Variants in VPS41 observed in about 807,000 individuals in gnomAD.
The protein encoded by VPS41 is VPS41 subunit of HOPS complex.
A neutral mutation model predicts 130.9 loss-of-function variants in VPS41; 85 were observed. That is an observed-to-expected ratio of 0.65 (90% CI 0.55 to 0.78). The LOEUF is 0.78. VPS41 is among the 30% of genes least tolerant of loss of function. The probability of loss-of-function intolerance (pLI) is 0.00; values close to 1 mark genes in which losing one functional copy is unlikely to be tolerated. For synonymous variants in VPS41, 335 were observed against 332.9 expected (o/e 1.01, Z -0.07); for missense variants, 874 against 1,018.7 (o/e 0.86, Z 1.93).
chr7:38,776,604 A>G, intron 11 of VPS41, 75 bp downstream of exon 11: 1 of 809,944 alleles, frequency 1.2e-6, no homozygotes, highest in South Asian at 1.5e-5. Flanking sequence ...TATGCTACTG[A>G]TGAACAACCT....
intron 7 of VPS41, among the ~76,000 whole-genome samples, chr7:38,800,759 C>T (rs1457124482): frequency 1.3e-5 from 2 of 152,144 alleles, no homozygotes; most frequent in Non-Finnish European, 1.5e-5. Context: ...TCGCTTGAAC[C>T]TAGGAGGAGG....
At chr7:38,844,763 A>G (rs1240198402) in intron 4 of VPS41, among the ~76,000 whole-genome samples, 1 of 152,134 alleles carries the variant, frequency 6.6e-6, no homozygotes, top group Non-Finnish European at 1.5e-5. Flanking sequence ...CATCTCCCCC[A>G]TAAGAGCATT....
intron 1 of VPS41, among the ~76,000 whole-genome samples, chr7:38,904,374 A>C (rs1787209898): frequency 6.6e-6 from 1 of 152,220 alleles, no homozygotes; most frequent in African/African-American, 2.4e-5. Flanking sequence ...ACTACATTTT[A>C]GTTACATGAT....
chr7:38,839,787 C>A (rs1296309154), intron 4 of VPS41, among the ~76,000 whole-genome samples: 1 of 152,204 alleles, frequency 6.6e-6, no homozygotes, highest in African/African-American at 2.4e-5. Context: ...ACTCTCCAAT[C>A]TTTTCAGTTG....
At chr7:38,803,239 C>T (rs1784768643) in intron 7 of VPS41, among the ~76,000 whole-genome samples, 3 of 152,186 alleles carry the variant, frequency 2.0e-5, no homozygotes. Context: ...TAACGCCCAT[C>T]ATTACTTGTC....
intron 1 of VPS41, among the ~76,000 whole-genome samples, chr7:38,906,617 G>T (rs1249513065): frequency 6.6e-6 from 1 of 152,148 alleles, no homozygotes; most frequent in Non-Finnish European, 1.5e-5. Context: ...GGGATTACAG[G>T]TATGGGCCAT....
In VPS41 at chr7:38,724,874, G is replaced by A. The variant is rs1795508346; in HGVS notation, c.*1372C>T. The A allele has an allele frequency of 6.6e-6, 1 of 152,440 alleles. No individual in the cohort carries two copies. The highest frequency in any genetic ancestry group is 2.1e-4 in the South Asian group (1 of 4,832). The allele number at this position is 152,440 out of a possible 1,614,324, so 9.4% of individuals were successfully genotyped here. The stretch of plus-strand genomic sequence containing the variant: ...CCCAAAGCCCTGGGATTACGGGCGT[G>A]AGCCACCATGCCCGGCTGGCCCTGT... On this transcript the variant is annotated 3_prime_UTR_variant, in exon 29 of 29. Coordinates refer to ENST00000310301, the MANE Select transcript of VPS41 (RefSeq NM_014396.4).
chr7:38,835,041 T>C (rs376500309), intron 4 of VPS41, among the ~76,000 whole-genome samples: 3 of 152,150 alleles, frequency 2.0e-5, no homozygotes, highest in African/African-American at 7.2e-5. Context: ...ATGAGTTTTA[T>C]ACATACATCA....
rs750046323 is a variant in VPS41 at position 38,789,787 on chromosome 7, T to G, written c.784+14A>C. The G allele has an allele frequency of 1.2e-6, 2 of 1,613,256 alleles. No homozygotes were observed. Among genetic ancestry groups the G allele is most frequent in the Non-Finnish European group, 1.7e-6 (2 of 1,179,356 alleles). ...AAGTTTTACATCCACAGAAGGCAAG[T>G]GTTGGAGCCATACCTATTTCAACAT... is the stretch of plus-strand genomic sequence containing the variant. On this transcript the variant is annotated intron_variant, in intron 10 of 28. Coordinates refer to ENST00000310301, the MANE Select transcript of VPS41 (RefSeq NM_014396.4).
rs796516716 is a variant in VPS41, at chr7:38,843,681, CA to C, written c.247-13354del. ...TGGGTGAAAGAGTGAGACTCCGTCTCAAAAAAAAAAACAAAAAAAAAAACTG... is the reference window on the plus strand; with the variant it reads ...TGGGTGAAAGAGTGAGACTCCGTCTCAAAAAAAAAACAAAAAAAAAAACTG... On this transcript the variant is annotated intron_variant, in intron 4 of 28. Transcript: ENST00000310301. Among the ~76,000 whole-genome samples, 358 of 80,522 alleles carry C rather than the reference CA, an allele frequency of 4.4e-3. 1 individual carries two copies. Among genetic ancestry groups the C allele is most frequent in the African/African-American group, 0.015 (320 of 21,560 alleles). The allele number at this position is 80,522 out of a possible 152,430, so 52.8% of individuals were successfully genotyped here.
chr7:38,800,973 T>G (rs1784714242), intron 7 of VPS41, among the ~76,000 whole-genome samples: 1 of 152,218 alleles, frequency 6.6e-6, no homozygotes, highest in African/African-American at 2.4e-5. Flanking sequence ...TTCAGAAAAC[T>G]GTTAATTAAA....
chr7:38,815,593 G>A (rs1274834637), intron 7 of VPS41, among the ~76,000 whole-genome samples: 1 of 152,160 alleles, frequency 6.6e-6, no homozygotes, highest in African/African-American at 2.4e-5. Context: ...GTGTGTCTGA[G>A]GGTGCTGCCC....
rs530862116 is a variant in VPS41 at position 38,777,557 on chromosome 7, G to A, written c.785-781C>T. On this transcript the variant is annotated intron_variant, in intron 10 of 28. Transcript: ENST00000310301. The stretch of plus-strand genomic sequence containing the variant: ...TTGTTTTAAGAGACTGAGATTGGGA[G>A]TGGCTTGTTTCAGAGCAGAAGCTAA... 2.0e-5 allele frequency among the ~76,000 whole-genome samples: 3 copies of A among 152,316 alleles called. No individual in the cohort carries two copies. The South Asian group carries it at 6.2e-4, about 32-fold the overall frequency.
rs2129083277 is a variant in VPS41, at chr7:38,723,965, T to C, written c.*2281A>G. ...TAATAAATCACCCAATACTGTTTAT[T>C]CAAAAGAAAAGACATTCTAAGGAAC... On this transcript the variant is annotated 3_prime_UTR_variant, in exon 29 of 29. Transcript: ENST00000310301. 1 of 152,232 alleles carries C rather than the reference T, an allele frequency of 6.6e-6. No individual in the cohort carries two copies. The highest frequency in any genetic ancestry group is 1.9e-4 in the East Asian group (1 of 5,188). The allele number at this position is 152,232 out of a possible 1,614,324, so 9.4% of individuals were successfully genotyped here.
chr7:38,817,812 C>G lies in VPS41; in HGVS notation c.450+5G>C, dbSNP rs774662260. ...CATATCAAGGTAGAGACACACAGCA[C>G]TTACCTTCTTCCCTCCGGTCACAAA... On this transcript the variant is annotated splice_donor_5th_base_variant and intron_variant, in intron 7 of 28. Coordinates refer to ENST00000310301, the MANE Select transcript of VPS41 (RefSeq NM_014396.4). 20 of 1,612,540 alleles carry G rather than the reference C, an allele frequency of 1.2e-5. No individual in the cohort carries two copies. Among genetic ancestry groups the G allele is most frequent in the Middle Eastern group, 1.6e-4 (1 of 6,082 alleles).
At chr7:38,796,305 T>C in intron 8 of VPS41, 1 of 336,262 alleles carries the variant, frequency 3.0e-6, no homozygotes, top group South Asian at 2.4e-5. Flanking sequence ...GCACTGAAAA[T>C]TACGATCCAC....
At chr7:38,726,465 C>A in intron 28 of VPS41, 139 bp from the exon 29 acceptor site, 1 of 668,838 alleles carries the variant, frequency 1.5e-6, no homozygotes, top group Non-Finnish European at 2.5e-6. Context: ...GAGTTTATTT[C>A]TGGTTAACAT....
At chr7:38,766,247 C>T (rs1784040922) in intron 15 of VPS41, among the ~76,000 whole-genome samples, 1 of 152,286 alleles carries the variant, frequency 6.6e-6, no homozygotes. Flanking sequence ...AGTCATGCAG[C>T]GGGCACTGCC....
Position 38,792,710 on chromosome 7 carries a change from T to C in VPS41, c.717+2755A>G, listed in dbSNP as rs565243543. On this transcript the variant is annotated intron_variant, in intron 9 of 28. Transcript: ENST00000310301. ...ATACAAGTTAGATCACTTAACTGAC[T>C]CCACAACAGCTCAAAGCCCTGTGCT... Among the ~76,000 whole-genome samples the C allele has an allele frequency of 3.9e-5, 6 of 152,264 alleles. No homozygotes were observed. In the South Asian group the frequency reaches 1.2e-3, roughly 32 times the overall value.
Sources: gnomAD v4.1 joint callset for allele counts (sites outside exome capture counted in the v4.1 genomes callset) on GRCh38, gnomAD v4.1.1 for gene constraint, MANE v1.5 for transcripts, NCBI Gene and HGNC (gene_info 2026-07-23, HGNC 2026-07-21) for gene names.